Variants in FKBP5 observed in about 807,000 individuals in gnomAD.
FKBP5 encodes peptidyl-prolyl cis-trans isomerase FKBP5.
FKBP5 carries 23 observed loss-of-function variants against 50.5 expected under a neutral mutation model. The observed-to-expected ratio is 0.46, with a 90% confidence interval of 0.33 to 0.65. FKBP5 has a LOEUF of 0.65. Among genes scored for constraint, FKBP5 ranks in the 30% least tolerant of loss-of-function variants. The pLI, the probability that FKBP5 is intolerant of heterozygous loss-of-function variation, is 0.02. For synonymous variants in FKBP5, 176 were observed against 190.6 expected, an observed-to-expected ratio of 0.92 and a Z score of 0.63; for missense variants, 411 against 553.1, an observed-to-expected ratio of 0.74 and a Z score of 2.58.
intron 2 of FKBP5, among the ~76,000 whole-genome samples, chr6:35,639,696 T>C (rs79597976): frequency 3.6e-4 from 55 of 152,330 alleles, no homozygotes; most frequent in African/African-American, 1.3e-3. Flanking sequence ...CCTTATTCTA[T>C]AGCTGCAAGT....
chr6:35,591,957 A>G (rs891151036), intron 6 of FKBP5, among the ~76,000 whole-genome samples: 1 of 152,160 alleles, frequency 6.6e-6, no homozygotes, highest in African/African-American at 2.4e-5. Flanking sequence ...GGACATATAC[A>G]TTTGTTTTCT....
chr6:35,627,305 C>A (rs945004654), intron 3 of FKBP5, among the ~76,000 whole-genome samples: 1 of 151,900 alleles, frequency 6.6e-6, no homozygotes, highest in Non-Finnish European at 1.5e-5. Flanking sequence ...AGCCCTTTGC[C>A]CAGTTTTTAA....
chr6:35,624,415 T>C (rs1465602016), intron 3 of FKBP5, among the ~76,000 whole-genome samples: 1 of 152,028 alleles, frequency 6.6e-6, no homozygotes, highest in Non-Finnish European at 1.5e-5. Context: ...GGCAGAAGAA[T>C]TGCTTGAACC....
At chr6:35,664,765 T>C (rs191554501) in intron 1 of FKBP5, 222 of 154,306 alleles carry the variant, frequency 1.4e-3, no homozygotes, top group African/African-American at 4.8e-3. Flanking sequence ...CAAATCCTAA[T>C]AGAGGTAGTA....
intron 6 of FKBP5, among the ~76,000 whole-genome samples, chr6:35,594,778 TCTC>T (rs1219334211): frequency 6.6e-6 from 1 of 152,132 alleles, no homozygotes; most frequent in African/African-American, 2.4e-5. Context: ...TTCACATAAT[TCTC>T]CAACATACCA....
At chr6:35,707,204 G>C (rs1176429853) in intron 2 of FKBP5, among the ~76,000 whole-genome samples, 2 of 140,764 alleles carry the variant, frequency 1.4e-5, no homozygotes, top group African/African-American at 2.7e-5. Flanking sequence ...TCACTGGTAA[G>C]TATGAGAAGA....
At chr6:35,683,144 GTGT>G (rs1456260105) in intron 1 of FKBP5, among the ~76,000 whole-genome samples, 3 of 142,828 alleles carry the variant, frequency 2.1e-5, no homozygotes, top group Non-Finnish European at 4.6e-5. Flanking sequence ...GTGTGTGTGT[GTGT>G]GTGTGTGTGT....
chr6:35,714,727 G>A (rs1766482261), intron 2 of FKBP5, among the ~76,000 whole-genome samples: 6 of 149,434 alleles, frequency 4.0e-5, no homozygotes, highest in Admixed American at 4.0e-4. Context: ...TGAGGCATGA[G>A]AATCGCTTGA....
chr6:35,647,776 T>C (rs1037415088), intron 1 of FKBP5, among the ~76,000 whole-genome samples: 1 of 152,158 alleles, frequency 6.6e-6, no homozygotes, highest in South Asian at 2.1e-4. Context: ...ATAATAATCC[T>C]TATTTTTGGA....
intron 5 of FKBP5, among the ~76,000 whole-genome samples, chr6:35,602,572 T>C (rs918732079): frequency 3.9e-5 from 6 of 152,014 alleles, no homozygotes; most frequent in African/African-American, 1.4e-4. Flanking sequence ...TCCTGCCTAA[T>C]AGAGCACAGT....
At chr6:35,608,404 T>C (rs1453389986) in intron 5 of FKBP5, among the ~76,000 whole-genome samples, 9 of 152,046 alleles carry the variant, frequency 5.9e-5, no homozygotes, top group African/African-American at 2.2e-4. Context: ...GAACAAGAAA[T>C]TAAGGCAGCT....
intron 1 of FKBP5, among the ~76,000 whole-genome samples, chr6:35,687,477 T>C (rs1765860044): frequency 6.6e-6 from 1 of 152,200 alleles, no homozygotes; most frequent in Non-Finnish European, 1.5e-5. Context: ...AGAATTACTT[T>C]ATAATTCTCT....
intron 3 of FKBP5, among the ~76,000 whole-genome samples, chr6:35,621,327 C>G (rs1763829438): frequency 6.6e-6 from 1 of 152,034 alleles, no homozygotes; most frequent in African/African-American, 2.4e-5. Context: ...ATTTAAAAGG[C>G]TAAATTACAT....
At chr6:35,649,250 A>T (rs891348477) in intron 1 of FKBP5, among the ~76,000 whole-genome samples, 20 of 52,454 alleles carry the variant, frequency 3.8e-4, no homozygotes, top group Admixed American at 1.1e-3. Flanking sequence ...GACTCTGTCT[A>T]AAAAAAAAAA....
chr6:35,628,408 A>G (rs1331164520), intron 3 of FKBP5, among the ~76,000 whole-genome samples: 1 of 152,226 alleles, frequency 6.6e-6, no homozygotes, highest in African/African-American at 2.4e-5. Flanking sequence ...AAAGAACAAG[A>G]AAGGTAAATA....
chr6:35,675,860 T>C (rs1765511381), intron 1 of FKBP5, among the ~76,000 whole-genome samples: 2 of 152,146 alleles, frequency 1.3e-5, no homozygotes, highest in African/African-American at 4.8e-5. Context: ...TCCTTGGAAT[T>C]CTCTTCTACA....
Position 35,595,587 on chromosome 6 carries a change from C to CA in FKBP5, c.665+1660dup, listed in dbSNP as rs573369069. On this transcript the variant is annotated intron_variant, in intron 6 of 10. Transcript: ENST00000357266. Reference sequence around the variant, plus strand: ...GCAACATGGCAAAACCCTGTCTCCACAAAAAATACAAAAAGTAGCCGGGTG... The same window carrying CA: ...GCAACATGGCAAAACCCTGTCTCCACAAAAAAATACAAAAAGTAGCCGGGTG... Among the ~76,000 whole-genome samples the CA allele has an allele frequency of 9.5e-4, 145 of 151,986 alleles. 1 individual carries two copies. Among genetic ancestry groups the CA allele is most frequent in the Admixed American group, 1.8e-3 (27 of 15,260 alleles).
intron 1 of FKBP5, among the ~76,000 whole-genome samples, chr6:35,723,984 A>T (rs1488741437): frequency 1.3e-5 from 2 of 152,252 alleles, no homozygotes. Flanking sequence ...CTCTTGCTTC[A>T]GTTTTCCCAG....
intron 6 of FKBP5, 106 bp from the exon 7 acceptor site, chr6:35,591,326 G>A (rs1234156269): frequency 2.3e-5 from 16 of 706,372 alleles, no homozygotes; most frequent in Non-Finnish European, 3.2e-5. Flanking sequence ...CAAGCTACAT[G>A]TGTCAGAGAC....
Sources: gnomAD v4.1 joint callset for allele counts (sites outside exome capture counted in the v4.1 genomes callset) on GRCh38, gnomAD v4.1.1 for gene constraint, MANE v1.5 for transcripts, NCBI Gene and HGNC (gene_info 2026-07-23, HGNC 2026-07-21) for gene names.